EFCAB6: variants seen among roughly 807,000 people sequenced by gnomAD.
EFCAB6 encodes EF-hand calcium binding domain 6.
EFCAB6 carries 156 observed loss-of-function variants against 169.8 expected under a neutral mutation model. The ratio of observed to expected loss-of-function variants is 0.92; its 90% CI spans 0.81 to 1.05. EFCAB6 has a LOEUF of 1.05. EFCAB6 is among the 50% of genes least tolerant of loss of function. EFCAB6 has a pLI of 0.00. For missense variants in EFCAB6, 1,800 were observed against 1,829.1 expected (o/e 0.98, Z 0.29); for synonymous variants, 698 against 676.4 (o/e 1.03, Z -0.50).
At chr22:43,731,198 A>G (rs370451290) in intron 8 of EFCAB6, among the ~76,000 whole-genome samples, 276 of 152,324 alleles carry the variant, frequency 1.8e-3, no homozygotes, top group African/African-American at 6.1e-3. Flanking sequence ...GACTGTTCGC[A>G]CGAGGAAACA....
chr22:43,642,365 AC>A (rs1468745004), intron 17 of EFCAB6, among the ~76,000 whole-genome samples: 1 of 151,672 alleles, frequency 6.6e-6, no homozygotes, highest in Non-Finnish European at 1.5e-5. Flanking sequence ...TTCTTTACAT[AC>A]CCATTCACAG....
intron 26 of EFCAB6, among the ~76,000 whole-genome samples, chr22:43,561,498 G>C (rs746736284): frequency 6.6e-6 from 1 of 151,936 alleles, no homozygotes; most frequent in Admixed American, 6.6e-5. Flanking sequence ...CACCGACCTG[G>C]GGTCCCCAGG....
chr22:43,567,438 CA>C (rs2049519591), intron 26 of EFCAB6, among the ~76,000 whole-genome samples: 1 of 152,158 alleles, frequency 6.6e-6, no homozygotes, highest in South Asian at 2.1e-4. Context: ...GAACATTAAA[CA>C]TGCACTCACC....
chr22:43,733,526 A>G (rs2060027245), intron 7 of EFCAB6, among the ~76,000 whole-genome samples: 1 of 152,014 alleles, frequency 6.6e-6, no homozygotes, highest in Admixed American at 6.6e-5. Context: ...TGTTTTATGT[A>G]GGTTGGAGAG....
chr22:43,666,961 A>G, intron 17 of EFCAB6, 143 bp downstream of exon 17: 1 of 1,164,548 alleles, frequency 8.6e-7, no homozygotes, highest in Non-Finnish European at 1.2e-6. Context: ...GGCCAAAAAA[A>G]AAAATCCTTT....
At chr22:43,702,052 A>G (rs1423131776) in intron 10 of EFCAB6, among the ~76,000 whole-genome samples, 1 of 152,242 alleles carries the variant, frequency 6.6e-6, no homozygotes, top group African/African-American at 2.4e-5. Flanking sequence ...GTGCCCAGGT[A>G]CATGGGAAGG....
intron 25 of EFCAB6, among the ~76,000 whole-genome samples, chr22:43,579,602 GCATGCAGGCATCATTC>G (rs2050567593): frequency 1.8e-5 from 1 of 54,742 alleles, no homozygotes; most frequent in African/African-American, 7.4e-5. Flanking sequence ...ATCATTCCCT[GCATGCAGGCATCATTC>G]CCTACATGCA....
At chr22:43,584,505 T>C (rs1602422943) in intron 24 of EFCAB6, among the ~76,000 whole-genome samples, 1 of 152,090 alleles carries the variant, frequency 6.6e-6, no homozygotes, top group Middle Eastern at 3.4e-3. Flanking sequence ...AGTGAAGATC[T>C]GAGAAAGATC....
chr22:43,792,556 CAATT>C (rs1287687357), intron 2 of EFCAB6, among the ~76,000 whole-genome samples: 20 of 152,286 alleles, frequency 1.3e-4, no homozygotes, highest in African/African-American at 4.8e-4. Flanking sequence ...TTATCTAACT[CAATT>C]ATTTATTGGG....
At chr22:43,702,308 C>T (rs185761556) in intron 10 of EFCAB6, among the ~76,000 whole-genome samples, 14 of 152,256 alleles carry the variant, frequency 9.2e-5, no homozygotes, top group Admixed American at 2.0e-4. Context: ...AATTGTCGGT[C>T]GCAGGCTCCA....
chr22:43,654,900 G>C (rs959585097), intron 17 of EFCAB6, among the ~76,000 whole-genome samples: 1 of 152,180 alleles, frequency 6.6e-6, no homozygotes, highest in East Asian at 1.9e-4. Flanking sequence ...AGCAGCAAGA[G>C]TAAATATGTA....
At chr22:43,683,975 C>G (rs1253446460) in intron 11 of EFCAB6, 120 bp from the exon 12 acceptor site, 2 of 711,324 alleles carry the variant, frequency 2.8e-6, no homozygotes, top group Non-Finnish European at 4.8e-6. Context: ...GTGCGTGGCT[C>G]TTTTTCCTGA....
chr22:43,638,848 C>T (rs887019731), intron 17 of EFCAB6, among the ~76,000 whole-genome samples: 2 of 150,094 alleles, frequency 1.3e-5, no homozygotes, highest in Admixed American at 1.3e-4. Context: ...TGCAATGGTG[C>T]GATCTCGGCT....
At chr22:43,578,147 G>T (rs2050381671) in intron 25 of EFCAB6, among the ~76,000 whole-genome samples, 1 of 152,128 alleles carries the variant, frequency 6.6e-6, no homozygotes, top group Admixed American at 6.5e-5. Context: ...TCAGGTTCTG[G>T]GCTCTGCTCC....
In EFCAB6 at chr22:43,744,098, G is replaced by A. The variant is rs1284996704; in HGVS notation, c.508-8105C>T. On this transcript the variant is annotated intron_variant, in intron 6 of 31. Coordinates refer to ENST00000262726, the MANE Select transcript of EFCAB6 (RefSeq NM_022785.4). The surrounding 1 kb of genome is among the most constrained non-coding windows in gnomAD (Gnocchi z 4.3). ...ATGAATGGATGAATGATGAATGAAT[G>A]AATGAATGAATGAATGGATGGGTTA... 3.3e-5 allele frequency among the ~76,000 whole-genome samples: 5 copies of A among 151,952 alleles called. No individual in the cohort carries two copies. Among genetic ancestry groups the A allele is most frequent in the Non-Finnish European group, 5.9e-5 (4 of 67,984 alleles).
chr22:43,776,142 T>C (rs1365971540), intron 3 of EFCAB6, among the ~76,000 whole-genome samples: 2 of 152,212 alleles, frequency 1.3e-5, no homozygotes, highest in South Asian at 2.1e-4. Context: ...CATCTGAAAG[T>C]TGAATACATG....
Position 43,572,338 on chromosome 22 carries a change from T to C in EFCAB6, c.3420+3959A>G, listed in dbSNP as rs188950393. On this transcript the variant is annotated intron_variant, in intron 26 of 31. Coordinates refer to ENST00000262726, the MANE Select transcript of EFCAB6 (RefSeq NM_022785.4). The surrounding 1 kb of genome is among the most constrained non-coding windows in gnomAD (Gnocchi z 4.0). ...CAATTCCAGGATCAGCAGAGGCTCCTTGTGACTCGTGCATGAGGACACTCA... is the reference window on the plus strand; with the variant it reads ...CAATTCCAGGATCAGCAGAGGCTCCCTGTGACTCGTGCATGAGGACACTCA... Among the ~76,000 whole-genome samples, 93 of 152,300 alleles carry C rather than the reference T, an allele frequency of 6.1e-4. No homozygotes were observed. The highest frequency in any genetic ancestry group is 5.8e-3 in the Admixed American group (89 of 15,302).
At chr22:43,678,788 T>C (rs1386467675) in intron 12 of EFCAB6, among the ~76,000 whole-genome samples, 1 of 152,174 alleles carries the variant, frequency 6.6e-6, no homozygotes, top group Non-Finnish European at 1.5e-5. Context: ...AGAGATACTG[T>C]TTATTGGAAA....
At chr22:43,708,089 T>TAAAAAAAA (rs137824) in intron 10 of EFCAB6, among the ~76,000 whole-genome samples, 25 of 115,452 alleles carry the variant, frequency 2.2e-4, no homozygotes, top group Non-Finnish European at 2.9e-4. Context: ...TAAAGAAAAC[T>TAAAAAAAA]AAAAAAAAAA....
Sources: gnomAD v4.1 joint callset for allele counts (sites outside exome capture counted in the v4.1 genomes callset) on GRCh38, gnomAD v4.1.1 for gene constraint, Gnocchi (gnomAD v3.1) non-coding constraint, MANE v1.5 for transcripts, NCBI Gene and HGNC (gene_info 2026-07-23, HGNC 2026-07-21) for gene names.